Variants in COL21A1 observed in about 807,000 individuals in gnomAD.
The protein encoded by COL21A1 is collagen type XXI alpha 1 chain.
A neutral mutation model predicts 137.9 loss-of-function variants in COL21A1; 149 were observed. The ratio of observed to expected loss-of-function variants is 1.08; its 90% CI spans 0.95 to 1.24. COL21A1 has a LOEUF of 1.24. Ranked by LOEUF, COL21A1 falls within the 50% of genes most tolerant of loss-of-function variation. COL21A1 has a pLI of 0.00. For synonymous variants in COL21A1, 456 were observed against 391.5 expected (o/e 1.16, Z -1.95); for missense variants, 1,167 against 1,158.4 (o/e 1.01, Z -0.11).
chr6:56,329,837 G>A (rs944137136), intron 1 of COL21A1, among the ~76,000 whole-genome samples: 3 of 152,210 alleles, frequency 2.0e-5, no homozygotes, highest in South Asian at 2.1e-4. Flanking sequence ...CTAGACCACT[G>A]TAATTTCAGC....
At chr6:56,122,824 T>G (rs769336721) in intron 16 of COL21A1, among the ~76,000 whole-genome samples, 1 of 152,214 alleles carries the variant, frequency 6.6e-6, no homozygotes, top group African/African-American at 2.4e-5. Flanking sequence ...TTTGTCTTAC[T>G]CAAGTCCCTT....
intron 1 of COL21A1, among the ~76,000 whole-genome samples, chr6:56,241,608 G>T (rs957341303): frequency 6.8e-6 from 1 of 146,784 alleles, no homozygotes; most frequent in Admixed American, 6.8e-5. Context: ...ATAGGGAAAC[G>T]GTGGAGAGCA....
chr6:56,166,805 G>T, intron 7 of COL21A1, 101 bp downstream of exon 7: 1 of 873,826 alleles, frequency 1.1e-6, no homozygotes. Context: ...ATAAAATTAA[G>T]TCTACATATT....
intron 17 of COL21A1, among the ~76,000 whole-genome samples, chr6:56,080,776 T>A (rs181820647): frequency 2.0e-5 from 3 of 151,894 alleles, no homozygotes; most frequent in Non-Finnish European, 2.9e-5. Flanking sequence ...GTATATTACA[T>A]GTTTTCTTCA....
chr6:56,104,754 C>G (rs1770734456), intron 16 of COL21A1, among the ~76,000 whole-genome samples: 1 of 152,086 alleles, frequency 6.6e-6, no homozygotes, highest in African/African-American at 2.4e-5. Flanking sequence ...TATTCCACAA[C>G]AAGACAGTTC....
chr6:56,390,770 T>C (rs2094027923), intron 1 of COL21A1, among the ~76,000 whole-genome samples: 1 of 152,066 alleles, frequency 6.6e-6, no homozygotes, highest in South Asian at 2.1e-4. Flanking sequence ...AGCAAGAAGA[T>C]ATTACACTTG....
Position 56,101,526 on chromosome 6 carries a change from C to A in COL21A1, c.1759-1G>T. On this transcript the variant is annotated splice_acceptor_variant, in intron 16 of 29. Coordinates refer to ENST00000244728, the MANE Select transcript of COL21A1 (RefSeq NM_030820.4). LOFTEE classifies it high-confidence loss of function. ...GAGCACCAGGGGATCCTGCTTCTCC[C>A]TTTTAATGATTTGACAAAAAGAAAT... The A allele has an allele frequency of 6.3e-7, 1 of 1,582,862 alleles. No individual in the cohort carries two copies. The highest frequency in any genetic ancestry group is 8.6e-7 in the Non-Finnish European group (1 of 1,162,938).
At chr6:56,269,997 G>A (rs2152332239) in intron 1 of COL21A1, among the ~76,000 whole-genome samples, 1 of 152,256 alleles carries the variant, frequency 6.6e-6, no homozygotes, top group South Asian at 2.1e-4. Flanking sequence ...GCATAGCCCA[G>A]AAACACTATA....
At chr6:56,330,153 G>A (rs1334554841) in intron 1 of COL21A1, among the ~76,000 whole-genome samples, 7 of 151,506 alleles carry the variant, frequency 4.6e-5, no homozygotes, top group African/African-American at 7.3e-5. Flanking sequence ...AAATATACTG[G>A]GCATGTTTAA....
At chr6:56,060,685 T>C (rs1436049992) in intron 27 of COL21A1, 56 bp downstream of exon 27, 1 of 1,417,714 alleles carries the variant, frequency 7.1e-7, no homozygotes, top group African/African-American at 1.4e-5. Context: ...TCCTAAGAAT[T>C]TGTATTACTT....
At chr6:56,321,670 C>T (rs916660848) in intron 1 of COL21A1, among the ~76,000 whole-genome samples, 1 of 152,130 alleles carries the variant, frequency 6.6e-6, no homozygotes, top group African/African-American at 2.4e-5. Flanking sequence ...AACAAAGGTA[C>T]AGTGCAGTGG....
intron 1 of COL21A1, among the ~76,000 whole-genome samples, chr6:56,293,411 G>C (rs952049916): frequency 6.6e-6 from 1 of 152,044 alleles, no homozygotes; most frequent in Non-Finnish European, 1.5e-5. Flanking sequence ...TTTTAGTGTA[G>C]ATGAATGAGC....
Position 56,079,002 on chromosome 6 carries a change from G to A in COL21A1, c.1813-1429C>T, listed in dbSNP as rs548567951. Among the ~76,000 whole-genome samples, 219 of 151,760 alleles carry A rather than the reference G, an allele frequency of 1.4e-3. 1 individual carries two copies. The highest frequency in any genetic ancestry group is 5.2e-3 in the African/African-American group (216 of 41,456). ...CTGAGTTATGAATATAAAATGAATT[G>A]TACCTTCTTAGGCAGAAAATGTATA... is the stretch of plus-strand genomic sequence containing the variant. On this transcript the variant is annotated intron_variant, in intron 17 of 29. Coordinates refer to ENST00000244728, the MANE Select transcript of COL21A1 (RefSeq NM_030820.4).
chr6:56,225,184 T>C (rs1781109681), intron 1 of COL21A1, among the ~76,000 whole-genome samples: 1 of 152,068 alleles, frequency 6.6e-6, no homozygotes, highest in African/African-American at 2.4e-5. Flanking sequence ...TTCATTTTCC[T>C]TTGACATTAT....
chr6:56,166,204 C>T (rs1040130585), intron 7 of COL21A1, among the ~76,000 whole-genome samples: 2 of 151,610 alleles, frequency 1.3e-5, no homozygotes, highest in African/African-American at 4.9e-5. Context: ...GTTTAATGTA[C>T]ATTATTATAT....
At chr6:56,146,057 A>G (rs528268344) in intron 10 of COL21A1, among the ~76,000 whole-genome samples, 1 of 152,276 alleles carries the variant, frequency 6.6e-6, no homozygotes, top group African/African-American at 2.4e-5. Context: ...AATTCTAATC[A>G]TGTCATAAAA....
At chr6:56,311,574 T>G (rs1431231627) in intron 1 of COL21A1, among the ~76,000 whole-genome samples, 1 of 152,204 alleles carries the variant, frequency 6.6e-6, no homozygotes, top group Admixed American at 6.5e-5. Flanking sequence ...GTTTTACTTT[T>G]GAAGAGAACT....
At chr6:56,234,842 G>T (rs1401856387) in intron 1 of COL21A1, among the ~76,000 whole-genome samples, 1 of 151,338 alleles carries the variant, frequency 6.6e-6, no homozygotes, top group Non-Finnish European at 1.5e-5. Context: ...TTTTCTTTTG[G>T]CCTTTTGGTT....
intron 16 of COL21A1, among the ~76,000 whole-genome samples, chr6:56,110,123 G>T (rs1351432799): frequency 6.6e-6 from 1 of 151,640 alleles, no homozygotes; most frequent in Non-Finnish European, 1.5e-5. Flanking sequence ...TGTATAAAAA[G>T]AATATTATAA....
Sources: allele counts gnomAD v4.1 joint callset (sites outside exome capture counted in the v4.1 genomes callset), GRCh38; gene constraint gnomAD v4.1.1; transcripts MANE v1.5; gene names NCBI Gene and HGNC (gene_info 2026-07-23, HGNC 2026-07-21).